The following ZMYM2 variants were observed in gnomAD, a reference collection of about 807,000 sequenced individuals.
ZMYM2 encodes zinc finger MYM-type protein 2.
ZMYM2 carries 56 observed loss-of-function variants against 162.8 expected under a neutral mutation model. The observed-to-expected ratio is 0.34, with a 90% CI of 0.28 to 0.43. The LOEUF (loss-of-function observed/expected upper bound fraction) is 0.43, where lower values mean the gene tolerates loss of function less well. Ranked by LOEUF, ZMYM2 falls within the 20% of genes least tolerant of loss-of-function variation. ZMYM2 has a pLI of 1.00. For synonymous variants in ZMYM2, 510 were observed against 541.6 expected, an observed-to-expected ratio of 0.94 and a Z score of 0.81; for missense variants, 1,275 against 1,621.8, an observed-to-expected ratio of 0.79 and a Z score of 3.67.
chr13:20,005,206 A>C lies in ZMYM2; in HGVS notation c.1266A>C (p.Lys422Asn). Residue 422 changes from lysine (K) to asparagine (N), a missense_variant, in exon 5 of 25, where the codon AAA becomes AAC. Coordinates refer to ENST00000610343, the MANE Select transcript of ZMYM2 (RefSeq NM_197968.4). Reference protein sequence around the residue: ...KQNPTKGALNKSRCTICGKLT... With the variant: ...KQNPTKGALNNSRCTICGKLT... Reference sequence around the variant, plus strand: ...ATCCTACTAAAGGAGCTCTAAATAAATCAAGATGTACAATCTGTGGTAAAC... The same window carrying C: ...ATCCTACTAAAGGAGCTCTAAATAACTCAAGATGTACAATCTGTGGTAAAC... 1 of 1,582,258 alleles carries C rather than the reference A, an allele frequency of 6.3e-7. No individual in the cohort carries two copies. The highest frequency in any genetic ancestry group is 1.8e-4 in the Middle Eastern group (1 of 5,698).
At chr13:19,912,197 T>C in the ZMYM2 span, among the ~76,000 whole-genome samples, 191 of 151,692 alleles carry the variant, frequency 1.3e-3, no homozygotes, top group Non-Finnish European at 2.2e-3. Flanking sequence ...TGCTTCTAGC[T>C]GGCAAGGCCA....
At chr13:20,078,537 ACT>A (rs1342004065) in intron 21 of ZMYM2, among the ~76,000 whole-genome samples, 1 of 152,010 alleles carries the variant, frequency 6.6e-6, no homozygotes, top group South Asian at 2.1e-4. Context: ...ATGCTTTTCA[ACT>A]CTCTGTTAGC....
the ZMYM2 span, among the ~76,000 whole-genome samples, chr13:19,941,720 CTTTT>C: frequency 6.3e-5 from 4 of 63,002 alleles, no homozygotes; most frequent in South Asian, 2.9e-3. Context: ...TGGCTTTCTG[CTTTT>C]TTTTTTTTTT....
chr13:20,064,733 TTTCTATTTGTATAGAAATAGTAA>T (rs1956540982), intron 19 of ZMYM2, among the ~76,000 whole-genome samples, 188 bp downstream of exon 19: 2 of 151,330 alleles, frequency 1.3e-5, no homozygotes, highest in Non-Finnish European at 2.9e-5. Context: ...TTTATTACTA[TTTCTATTTGTATAGAAATAGTAA>T]TTATTACTAT....
the ZMYM2 span, among the ~76,000 whole-genome samples, chr13:19,865,526 G>A: frequency 6.6e-6 from 1 of 152,158 alleles, no homozygotes; most frequent in Non-Finnish European, 1.5e-5. Flanking sequence ...TCATTTTAAT[G>A]ACTGCTGTAA....
chr13:19,874,398 G>GTATT, the ZMYM2 span, among the ~76,000 whole-genome samples: 369 of 152,038 alleles, frequency 2.4e-3, 5 homozygotes, highest in South Asian at 0.028. Flanking sequence ...ATTTATTTAT[G>GTATT]TATTTATTTA....
chr13:19,975,331 CATT>C (rs1956689031), intron 2 of ZMYM2, among the ~76,000 whole-genome samples: 1 of 152,158 alleles, frequency 6.6e-6, no homozygotes, highest in Non-Finnish European at 1.5e-5. Context: ...AAACCATACT[CATT>C]AGCATTCCTT....
rs1483213417 is a variant in ZMYM2, at chr13:20,006,293, T to C, written c.1300-81T>C. On this transcript the variant is annotated intron_variant, in intron 5 of 24. Coordinates refer to ENST00000610343, the MANE Select transcript of ZMYM2 (RefSeq NM_197968.4). ...CAAACAAGCCTTATTAGGACATCTT[T>C]ATTTCTGTTCAGAATGCTTTATTAT... 4.3e-6 allele frequency: 6 copies of C among 1,401,842 alleles called. No homozygotes were observed. The African/African-American group carries it at 5.8e-5, about 14-fold the overall frequency. The allele number at this position is 1,401,842 out of a possible 1,614,324, so 86.8% of individuals were successfully genotyped here.
Position 19,994,329 on chromosome 13 carries a change from A to C in ZMYM2, c.847+410A>C, listed in dbSNP as rs1949855657. Among the ~76,000 whole-genome samples, 10 of 152,234 alleles carry C rather than the reference A, an allele frequency of 6.6e-5. No homozygotes were observed. In the South Asian group the frequency reaches 2.1e-3, roughly 32 times the overall value. On this transcript the variant is annotated intron_variant, in intron 3 of 24. Transcript: ENST00000610343. ...GACGCCATCTCTAAATTTAAAAAGC[A>C]AAACAAACAAAAGAATGAAGTGTGA...
At chr13:19,959,051 C>T (rs1451992170) in intron 1 of ZMYM2, among the ~76,000 whole-genome samples, 3 of 151,748 alleles carry the variant, frequency 2.0e-5, no homozygotes, top group Non-Finnish European at 4.4e-5. Context: ...GCCTCGGGGG[C>T]AGCTCGGGGC....
intron 14 of ZMYM2, among the ~76,000 whole-genome samples, chr13:20,057,652 A>G (rs1237327228): frequency 6.6e-6 from 1 of 152,234 alleles, no homozygotes; most frequent in Non-Finnish European, 1.5e-5. Context: ...TCAGTACAGT[A>G]GTGTATTACA....
chr13:20,030,777 G>C (rs1378345873), intron 9 of ZMYM2, among the ~76,000 whole-genome samples: 1 of 152,078 alleles, frequency 6.6e-6, no homozygotes, highest in Non-Finnish European at 1.5e-5. Flanking sequence ...TGGGTGATCT[G>C]CCCGCCTTGA....
At chr13:20,025,518 G>A (rs1952499730) in intron 7 of ZMYM2, 1 of 163,060 alleles carries the variant, frequency 6.1e-6, no homozygotes, top group African/African-American at 2.4e-5. Flanking sequence ...AAAATAGCCA[G>A]GCAATTGCTT....
chr13:19,916,350 TC>T, the ZMYM2 span, among the ~76,000 whole-genome samples: 25 of 152,254 alleles, frequency 1.6e-4, no homozygotes, highest in East Asian at 4.2e-3. Context: ...GACCCAGTGA[TC>T]CCATTACTGG....
intron 6 of ZMYM2, among the ~76,000 whole-genome samples, chr13:20,013,694 G>A (rs1423613426): frequency 6.6e-6 from 1 of 151,842 alleles, no homozygotes; most frequent in East Asian, 1.9e-4. Context: ...ATGATCATGT[G>A]GTCTTTATCT....
intron 22 of ZMYM2, 123 bp downstream of exon 22, chr13:20,082,253 C>G (rs553899186): frequency 2.8e-6 from 2 of 726,550 alleles, no homozygotes; most frequent in Non-Finnish European, 4.5e-6. Flanking sequence ...AACACTTACT[C>G]GAGCTCATCT....
At chr13:19,973,171 A>G (rs1411329902) in intron 2 of ZMYM2, among the ~76,000 whole-genome samples, 1 of 151,882 alleles carries the variant, frequency 6.6e-6, no homozygotes, top group Non-Finnish European at 1.5e-5. Context: ...TCCTGACCTC[A>G]GGTGATCCGC....
intron 21 of ZMYM2, among the ~76,000 whole-genome samples, chr13:20,072,916 T>G (rs1566456604): frequency 6.7e-6 from 1 of 148,198 alleles, no homozygotes; most frequent in East Asian, 2.0e-4. Flanking sequence ...TCTTAGTTCT[T>G]TTTTTTTTTT....
intron 2 of ZMYM2, among the ~76,000 whole-genome samples, chr13:19,971,262 A>ATATATATATATATTTT (rs1329532735): frequency 2.6e-5 from 2 of 78,328 alleles, no homozygotes; most frequent in Non-Finnish European, 4.8e-5. Context: ...ATATATATAT[A>ATATATATATATATTTT]TTTTTTTTTT....
Sources: gnomAD v4.1 joint callset for allele counts (sites outside exome capture counted in the v4.1 genomes callset) on GRCh38, gnomAD v4.1.1 for gene constraint, MANE v1.5 for transcripts, NCBI Gene and HGNC (gene_info 2026-07-23, HGNC 2026-07-21) for gene names.